Variants in DLGAP1 observed in about 807,000 individuals in gnomAD.
DLGAP1 encodes the protein DLG associated protein 1, also known as disks large-associated protein 1.
DLGAP1 carries 11 observed loss-of-function variants against 90.8 expected under a neutral mutation model. The observed-to-expected ratio is 0.12, with a 90% CI of 0.08 to 0.20. DLGAP1 has a LOEUF of 0.20. DLGAP1 is among the 10% of genes least tolerant of loss of function. DLGAP1 has a pLI of 1.00. For missense variants in DLGAP1, 1,050 were observed against 1,333.8 expected (o/e 0.79, Z 3.31); for synonymous variants, 558 against 540.7 (o/e 1.03, Z -0.44).
chr18:4,447,103 G>C (rs1223049606), intron 1 of DLGAP1, among the ~76,000 whole-genome samples: 1 of 152,084 alleles, frequency 6.6e-6, no homozygotes, highest in Non-Finnish European at 1.5e-5. Context: ...AACCATTTTT[G>C]GTAATTTGCA....
intron 5 of DLGAP1, among the ~76,000 whole-genome samples, chr18:3,801,872 A>G (rs2066310695): frequency 6.6e-6 from 1 of 152,250 alleles, no homozygotes; most frequent in Non-Finnish European, 1.5e-5. Context: ...ATATATACTC[A>G]TGTAAATAAT....
At chr18:4,279,451 C>G (rs1021096513) in intron 1 of DLGAP1, among the ~76,000 whole-genome samples, 2 of 152,118 alleles carry the variant, frequency 1.3e-5, no homozygotes, top group Non-Finnish European at 2.9e-5. Flanking sequence ...AGTAATAAAG[C>G]TCCTGCTTCT....
rs746321438 is a variant in DLGAP1 at position 3,879,838 on chromosome 18, C to T, written c.231G>A (p.Ser77=). The change falls in exon 4 of 13, where the codon TCG becomes TCA. Residue 77 remains serine, a synonymous_variant. Coordinates refer to ENST00000315677, the MANE Select transcript of DLGAP1 (RefSeq NM_004746.4). This position sits in a 1 kb window ranked among gnomAD's most constrained non-coding sequence, Gnocchi z 6.6. ...CACACTCGTCCTTCAGCTCTTGCTG[C>T]GAGGTGTAGTGCCTGCGGGGGAAGG... ...SSTFPRRHYT[S]QQELKDECAL... 5.0e-6 allele frequency: 8 copies of T among 1,609,336 alleles called. 1 individual carries two copies. In the South Asian group the frequency reaches 8.8e-5, roughly 18 times the overall value.
intron 2 of DLGAP1, among the ~76,000 whole-genome samples, chr18:4,127,915 G>A (rs1443212796): frequency 6.6e-6 from 1 of 152,152 alleles, no homozygotes; most frequent in African/African-American, 2.4e-5. Flanking sequence ...CTATGCAACA[G>A]GTTCATGTGT....
At chr18:4,345,252 A>G (rs531280854) in intron 1 of DLGAP1, among the ~76,000 whole-genome samples, 2 of 152,106 alleles carry the variant, frequency 1.3e-5, no homozygotes, top group South Asian at 4.2e-4. Context: ...CCCTACACTA[A>G]CTATTCCTAT....
chr18:4,401,572 G>T (rs1408523381), intron 1 of DLGAP1, among the ~76,000 whole-genome samples: 3 of 152,116 alleles, frequency 2.0e-5, no homozygotes, highest in Admixed American at 2.0e-4. Flanking sequence ...AGCAGCATCT[G>T]GAGATCTTCT....
At chr18:3,871,563 C>T (rs2070750758) in intron 4 of DLGAP1, among the ~76,000 whole-genome samples, 1 of 152,094 alleles carries the variant, frequency 6.6e-6, no homozygotes, top group Non-Finnish European at 1.5e-5. Context: ...TGGATTCTCC[C>T]TTATTAAGGG....
intron 7 of DLGAP1, among the ~76,000 whole-genome samples, chr18:3,623,056 C>T (rs1244149114): frequency 1.3e-5 from 2 of 152,098 alleles, no homozygotes; most frequent in East Asian, 3.9e-4. Flanking sequence ...CCGCCTGCCT[C>T]TGCCTCCCAA....
At chr18:3,946,047 G>T (rs984308208) in intron 3 of DLGAP1, among the ~76,000 whole-genome samples, 2 of 151,862 alleles carry the variant, frequency 1.3e-5, no homozygotes, top group African/African-American at 4.8e-5. Flanking sequence ...GATTTTGGTA[G>T]AAAGCTATCA....
chr18:3,528,816 G>A (rs1049494119), intron 10 of DLGAP1, among the ~76,000 whole-genome samples: 4 of 152,116 alleles, frequency 2.6e-5, no homozygotes, highest in African/African-American at 9.7e-5. Flanking sequence ...CTAGAATTTT[G>A]GAATCCCAGT....
intron 7 of DLGAP1, among the ~76,000 whole-genome samples, chr18:3,600,951 GATATAT>G (rs1222175926): frequency 5.0e-5 from 3 of 59,468 alleles, no homozygotes; most frequent in African/African-American, 1.4e-4. Flanking sequence ...TAGATATATA[GATATAT>G]ATAGATATAT....
chr18:3,890,328 C>G (rs1489047230), intron 3 of DLGAP1, among the ~76,000 whole-genome samples: 1 of 152,152 alleles, frequency 6.6e-6, no homozygotes, highest in Non-Finnish European at 1.5e-5. Flanking sequence ...GGTCAGATAC[C>G]ATGTAAGAAG....
intron 5 of DLGAP1, among the ~76,000 whole-genome samples, chr18:3,756,442 T>C (rs1290917248): frequency 1.3e-5 from 2 of 152,164 alleles, no homozygotes; most frequent in African/African-American, 4.8e-5. Flanking sequence ...AAACCCAACA[T>C]ATGAAAACTT....
chr18:4,428,378 C>T (rs774425511), intron 1 of DLGAP1, among the ~76,000 whole-genome samples: 7 of 152,060 alleles, frequency 4.6e-5, no homozygotes, highest in East Asian at 1.9e-4. Context: ...GCCAGAAGTT[C>T]GAGACCAGCT....
chr18:3,995,892 T>C (rs2074060403), intron 3 of DLGAP1, among the ~76,000 whole-genome samples: 1 of 152,092 alleles, frequency 6.6e-6, no homozygotes, highest in Non-Finnish European at 1.5e-5. Context: ...TGATTTTTTT[T>C]CATAAATGGG....
intron 1 of DLGAP1, among the ~76,000 whole-genome samples, chr18:4,336,763 C>T (rs1206054987): frequency 6.6e-6 from 1 of 152,018 alleles, no homozygotes; most frequent in African/African-American, 2.4e-5. Flanking sequence ...TAAAACTTTT[C>T]TAGTTTGTTG....
chr18:3,541,261 G>A (rs1273544464), intron 9 of DLGAP1, among the ~76,000 whole-genome samples: 2 of 152,034 alleles, frequency 1.3e-5, no homozygotes, highest in East Asian at 3.9e-4. Context: ...AGGAGGGAGG[G>A]ATGGCAGAAA....
At chr18:4,051,482 AACTC>A (rs1416938291) in intron 2 of DLGAP1, among the ~76,000 whole-genome samples, 2 of 152,196 alleles carry the variant, frequency 1.3e-5, no homozygotes, top group Non-Finnish European at 2.9e-5. Context: ...ATCTTGTGAG[AACTC>A]ACTCACTATC....
chr18:4,341,533 A>G (rs2081187874), intron 1 of DLGAP1, among the ~76,000 whole-genome samples: 1 of 152,110 alleles, frequency 6.6e-6, no homozygotes, highest in Non-Finnish European at 1.5e-5. Context: ...AACAGTGGAG[A>G]AGTGATAGAA....
Sources: gnomAD v4.1 joint callset for allele counts (sites outside exome capture counted in the v4.1 genomes callset) on GRCh38, gnomAD v4.1.1 for gene constraint, Gnocchi (gnomAD v3.1) non-coding constraint, MANE v1.5 for transcripts, NCBI Gene and HGNC (gene_info 2026-07-23, HGNC 2026-07-21) for gene names.